Variants in SLC25A48 observed in about 807,000 individuals in gnomAD.
The protein encoded by SLC25A48 is CTC-321K16.1.
Under a neutral mutation model 32.2 loss-of-function variants are expected in SLC25A48, and 29 were observed. The ratio of observed to expected loss-of-function variants is 0.90; its 90% confidence interval spans 0.67 to 1.23. SLC25A48 has a LOEUF of 1.23. Among genes scored for constraint, SLC25A48 ranks in the 50% most tolerant of loss-of-function variants. SLC25A48 has a pLI of 0.00. For synonymous variants in SLC25A48, 164 were observed against 172.3 expected (o/e 0.95, Z 0.38); for missense variants, 399 against 422.7 (o/e 0.94, Z 0.49).
At chr5:135,615,634 CCCGG>C (rs1752168854) in intron 1 of SLC25A48, among the ~76,000 whole-genome samples, 1 of 152,300 alleles carries the variant, frequency 6.6e-6, no homozygotes, top group South Asian at 2.1e-4. Context: ...AAATTTGCAG[CCCGG>C]CCGTATGGTA....
intron 3 of SLC25A48, among the ~76,000 whole-genome samples, chr5:135,727,073 A>T (rs1308764880): frequency 1.3e-5 from 2 of 151,854 alleles, no homozygotes; most frequent in African/African-American, 4.8e-5. Context: ...ACATCTTTTC[A>T]TGTGTGTATT....
At chr5:135,638,478 A>G (rs1480620549) in intron 3 of SLC25A48, among the ~76,000 whole-genome samples, 1 of 152,202 alleles carries the variant, frequency 6.6e-6, no homozygotes, top group Non-Finnish European at 1.5e-5. Flanking sequence ...GGTCCAGAAC[A>G]CAGTTTGAGT....
rs112565754 is a variant in SLC25A48 at position 135,742,071 on chromosome 5, T to C, written c.-520-70452T>C. On this transcript the variant is annotated intron_variant, in intron 3 of 10. Coordinates refer to the SLC25A48 transcript ENST00000646290. ...TAGTCTAAGGAATCAGTTTTTTTAA[T>C]TATTTTTGTTTATTTATTTATTTTG... 7.8e-3 allele frequency among the ~76,000 whole-genome samples: 1,187 copies of C among 152,264 alleles called. 19 individuals are homozygous for C. Among genetic ancestry groups the C allele is most frequent in the African/African-American group, 0.027 (1,138 of 41,554 alleles).
chr5:135,852,457 C>T (rs1372049398), intron 3 of SLC25A48, 106 bp from the exon 4 acceptor site: 2 of 1,376,424 alleles, frequency 1.5e-6, no homozygotes, highest in East Asian at 4.6e-5. Flanking sequence ...CCCCTCTCTT[C>T]ATGGACACAT....
chr5:135,850,555 C>A, intron 3 of SLC25A48, 59 bp downstream of exon 3: 1 of 1,542,438 alleles, frequency 6.5e-7, no homozygotes, highest in Non-Finnish European at 8.9e-7. Flanking sequence ...GGCTGGGGAC[C>A]AGGGCCACAG....
At chr5:135,589,950 C>G (rs1751472205) in intron 1 of SLC25A48, among the ~76,000 whole-genome samples, 1 of 152,212 alleles carries the variant, frequency 6.6e-6, no homozygotes, top group Admixed American at 6.5e-5. Flanking sequence ...CCCACCTCAG[C>G]CTCCCAAAGT....
chr5:135,805,385 A>G (rs1757439170), intron 3 of SLC25A48, among the ~76,000 whole-genome samples: 1 of 151,616 alleles, frequency 6.6e-6, no homozygotes, highest in East Asian at 1.9e-4. Flanking sequence ...CTTTGTGTAC[A>G]CCCTGAAATA....
chr5:135,780,378 G>A (rs1201290106), intron 3 of SLC25A48, among the ~76,000 whole-genome samples: 1 of 116,406 alleles, frequency 8.6e-6, no homozygotes, highest in African/African-American at 2.6e-5. Flanking sequence ...GAGCCACCGC[G>A]CCTGGTCAGA....
chr5:135,661,063 A>T (rs527825605), intron 3 of SLC25A48, among the ~76,000 whole-genome samples: 4 of 152,234 alleles, frequency 2.6e-5, no homozygotes, highest in Non-Finnish European at 5.9e-5. Context: ...AATGAGGCAG[A>T]CAGCCCTAAA....
intron 3 of SLC25A48, among the ~76,000 whole-genome samples, chr5:135,785,567 G>T (rs1282354138): frequency 6.6e-6 from 1 of 151,166 alleles, no homozygotes; most frequent in Non-Finnish European, 1.5e-5. Flanking sequence ...GGGGGAGAGG[G>T]TGATAATGCT....
At chr5:135,852,425 C>A in intron 3 of SLC25A48, 138 bp from the exon 4 acceptor site, 1 of 1,070,576 alleles carries the variant, frequency 9.3e-7, no homozygotes, top group Non-Finnish European at 1.3e-6. Flanking sequence ...CCCCCTACCT[C>A]CTGTCGCATC....
chr5:135,768,023 C>T (rs1158810588), intron 3 of SLC25A48, among the ~76,000 whole-genome samples: 4 of 136,170 alleles, frequency 2.9e-5, no homozygotes, highest in Non-Finnish European at 4.7e-5. Flanking sequence ...TGATAATGTT[C>T]ATAATATCAA....
intron 3 of SLC25A48, among the ~76,000 whole-genome samples, chr5:135,715,938 CT>C (rs1254082762): frequency 1.3e-5 from 2 of 152,148 alleles, no homozygotes; most frequent in African/African-American, 4.8e-5. Flanking sequence ...TGGGGCTCCA[CT>C]TTGTATTTCC....
intron 4 of SLC25A48, among the ~76,000 whole-genome samples, chr5:135,870,967 C>T (rs1463477499): frequency 3.3e-5 from 5 of 150,586 alleles, no homozygotes; most frequent in South Asian, 2.1e-4. Flanking sequence ...TTTCAATAAG[C>T]GGTAGAGCTA....
chr5:135,620,592 A>G (rs1206822732), intron 1 of SLC25A48, among the ~76,000 whole-genome samples: 2 of 152,068 alleles, frequency 1.3e-5, no homozygotes, highest in Admixed American at 6.5e-5. Context: ...AGGCAGGGGA[A>G]TTTGTCCTTG....
intron 4 of SLC25A48, among the ~76,000 whole-genome samples, chr5:135,861,652 T>C (rs1343851585): frequency 6.6e-6 from 1 of 152,242 alleles, no homozygotes; most frequent in Admixed American, 6.5e-5. Flanking sequence ...TTTACAGTTT[T>C]TCCTCTTTTA....
chr5:135,798,986 T>A (rs6891354), intron 3 of SLC25A48, among the ~76,000 whole-genome samples: 116,456 of 151,522 alleles, frequency 0.77, 45,114 homozygotes, highest in Middle Eastern at 0.86. Flanking sequence ...ACAACTTCCA[T>A]TATCGCAGAG....
intron 3 of SLC25A48, among the ~76,000 whole-genome samples, chr5:135,705,052 C>T (rs1435163500): frequency 6.6e-6 from 1 of 152,198 alleles, no homozygotes; most frequent in East Asian, 1.9e-4. Flanking sequence ...TGACCTGGGA[C>T]AGGGAGGGAT....
intron 3 of SLC25A48, among the ~76,000 whole-genome samples, chr5:135,761,459 A>G (rs34459758): frequency 0.24 from 35,798 of 152,070 alleles, 4,775 homozygotes; most frequent in East Asian, 0.44. Context: ...ATTAAAATAT[A>G]TATATAAAAA....
Sources: allele counts gnomAD v4.1 joint callset (sites outside exome capture counted in the v4.1 genomes callset), GRCh38; gene constraint gnomAD v4.1.1; transcripts MANE v1.5; gene names NCBI Gene and HGNC (gene_info 2026-07-23, HGNC 2026-07-21).